The following TERF1 variants were observed in gnomAD, a reference collection of about 807,000 sequenced individuals.
TERF1 encodes telomeric repeat binding factor 1, also known as telomeric repeat-binding factor 1.
A neutral mutation model predicts 55.1 loss-of-function variants in TERF1; 20 were observed. The ratio of observed to expected loss-of-function variants is 0.36; its 90% CI spans 0.26 to 0.53. TERF1 has a LOEUF of 0.53. TERF1 is among the 20% of genes least tolerant of loss of function. TERF1 has a pLI of 0.91. For synonymous variants in TERF1, 168 were observed against 181.2 expected, an observed-to-expected ratio of 0.93 and a Z score of 0.59; for missense variants, 439 against 535.7, an observed-to-expected ratio of 0.82 and a Z score of 1.78.
At chr8:73,028,406 A>G (rs947009812) in intron 6 of TERF1, among the ~76,000 whole-genome samples, 2 of 152,094 alleles carry the variant, frequency 1.3e-5, no homozygotes, top group African/African-American at 2.4e-5. Context: ...TTTTATCTAT[A>G]TAGCTTTGTA....
chr8:73,046,083 C>A lies in TERF1; in HGVS notation c.1266C>A (p.Asp422Glu), dbSNP rs751466126. ...FNNRTSVMLKDRWRTMKKLKL... is the reference protein window; with the variant it reads ...FNNRTSVMLKERWRTMKKLKL... ...ACCGGACAAGTGTCATGTTAAAAGA[C>A]AGATGGAGGACCATGAAGAAACTAA... The change falls in exon 10 of 10, where the codon GAC (aspartate) becomes GAA (glutamate). Residue 422 changes from aspartate to glutamate, a missense_variant. Asp to Glu is a conservative substitution (Grantham distance 45). Around this residue, in one of 4 missense-constraint regions of TERF1, gnomAD observed 25 missense variants for 57.3 expected, o/e 0.44. Coordinates refer to ENST00000276603, the MANE Select transcript of TERF1 (RefSeq NM_017489.3). 1 of 1,608,472 alleles carries A rather than the reference C, an allele frequency of 6.2e-7. No individual in the cohort carries two copies. The highest frequency in any genetic ancestry group is 8.5e-7 in the Non-Finnish European group (1 of 1,178,038).
At chr8:73,034,735 A>G (rs776387442) in intron 8 of TERF1, among the ~76,000 whole-genome samples, 9 of 152,208 alleles carry the variant, frequency 5.9e-5, no homozygotes, top group Non-Finnish European at 1.3e-4. Flanking sequence ...AAAGCTTTTT[A>G]TAGGTAAATG....
intron 1 of TERF1, chr8:73,010,130 T>C (rs1188142386): frequency 1.1e-4 from 16 of 152,230 alleles, no homozygotes; most frequent in Admixed American, 1.0e-3. Context: ...CTAAAATTAC[T>C]GTGCAAGTAT....
intron 8 of TERF1, among the ~76,000 whole-genome samples, chr8:73,037,891 A>G (rs1391120177): frequency 1.6e-5 from 2 of 122,592 alleles, no homozygotes; most frequent in Non-Finnish European, 3.2e-5. Context: ...AATATGATAT[A>G]TAATATATAT....
intron 8 of TERF1, among the ~76,000 whole-genome samples, chr8:73,038,555 G>A (rs1016162302): frequency 4.6e-5 from 7 of 151,580 alleles, no homozygotes; most frequent in African/African-American, 1.7e-4. Flanking sequence ...TTAACTGTTT[G>A]TTGCTAATGA....
intron 2 of TERF1, among the ~76,000 whole-genome samples, chr8:73,016,921 A>C (rs1586031948): frequency 6.6e-6 from 1 of 152,286 alleles, no homozygotes; most frequent in East Asian, 1.9e-4. Context: ...GCAAATCGGC[A>C]GCTCACCTCA....
intron 1 of TERF1, 44 bp from the exon 2 acceptor site, chr8:73,013,851 G>A: frequency 7.6e-7 from 1 of 1,314,404 alleles, no homozygotes; most frequent in Non-Finnish European, 1.1e-6. Context: ...GGCACTACTG[G>A]ATCAAGTTTG....
chr8:73,016,383 A>G (rs1586031124), intron 2 of TERF1, among the ~76,000 whole-genome samples: 2 of 151,548 alleles, frequency 1.3e-5, no homozygotes, highest in Non-Finnish European at 2.9e-5. Flanking sequence ...TCTGAAATAC[A>G]GCAGATATCT....
intron 4 of TERF1, among the ~76,000 whole-genome samples, chr8:73,023,369 A>T (rs1007931798): frequency 6.6e-6 from 1 of 152,226 alleles, no homozygotes; most frequent in African/African-American, 2.4e-5. Context: ...TTCCCTGATG[A>T]ATAATCAGAT....
At chr8:73,015,548 A>T (rs1315037667) in intron 2 of TERF1, among the ~76,000 whole-genome samples, 3 of 152,042 alleles carry the variant, frequency 2.0e-5, no homozygotes, top group Non-Finnish European at 2.9e-5. Flanking sequence ...CAAAAAATTT[A>T]AAAAATTGGC....
chr8:73,031,870 A>C, intron 7 of TERF1, 172 bp from the exon 8 acceptor site: 1 of 408,210 alleles, frequency 2.4e-6, no homozygotes, highest in Admixed American at 4.3e-5. Flanking sequence ...GGCAACAGAA[A>C]TCTTAAGAGG....
intron 2 of TERF1, among the ~76,000 whole-genome samples, chr8:73,015,895 T>A (rs1008014805): frequency 6.6e-6 from 1 of 152,164 alleles, no homozygotes; most frequent in Non-Finnish European, 1.5e-5. Context: ...ATAGGTGGAA[T>A]TAATTTTGAT....
chr8:73,028,571 A>ATTT (rs59423351), intron 6 of TERF1, among the ~76,000 whole-genome samples: 3,867 of 104,364 alleles, frequency 0.037, 240 homozygotes, highest in African/African-American at 0.074. Flanking sequence ...ACGTAGACCC[A>ATTT]TTTTTTTTTT....
chr8:73,039,257 C>A, intron 9 of TERF1, 38 bp downstream of exon 9: 1 of 1,353,256 alleles, frequency 7.4e-7, no homozygotes, highest in Non-Finnish European at 1.0e-6. Context: ...CGCTTATGGA[C>A]ATTAAAGTTA....
At chr8:73,024,660 A>G (rs1423384196) in intron 4 of TERF1, among the ~76,000 whole-genome samples, 162 bp from the exon 5 acceptor site, 1 of 152,142 alleles carries the variant, frequency 6.6e-6, no homozygotes, top group Non-Finnish European at 1.5e-5. Context: ...AAGAAGTCAG[A>G]AAAAGGTACA....
chr8:73,041,468 TA>T (rs1195976282), intron 9 of TERF1, among the ~76,000 whole-genome samples: 1 of 152,134 alleles, frequency 6.6e-6, no homozygotes, highest in East Asian at 1.9e-4. Context: ...CTTCTTTTAG[TA>T]AGCCTGTGTC....
At chr8:73,033,257 T>C (rs1038855866) in intron 8 of TERF1, among the ~76,000 whole-genome samples, 1 of 152,108 alleles carries the variant, frequency 6.6e-6, no homozygotes, top group Admixed American at 6.5e-5. Flanking sequence ...TTCATAGATA[T>C]CATTCCCATT....
At chr8:73,031,942 A>G in intron 7 of TERF1, 100 bp from the exon 8 acceptor site, 2 of 745,008 alleles carry the variant, frequency 2.7e-6, no homozygotes, top group Non-Finnish European at 4.3e-6. Flanking sequence ...CAAAGTATTA[A>G]TAGAAGATCC....
intron 9 of TERF1, among the ~76,000 whole-genome samples, chr8:73,040,102 A>G (rs1418032730): frequency 6.7e-6 from 1 of 150,208 alleles, no homozygotes; most frequent in African/African-American, 2.5e-5. Flanking sequence ...TCTGTGACTC[A>G]AAGTTATGTT....
Sources: allele counts gnomAD v4.1 joint callset (sites outside exome capture counted in the v4.1 genomes callset), GRCh38; gene constraint gnomAD v4.1.1; regional missense constraint gnomAD v4.1.1; transcripts MANE v1.5; gene names NCBI Gene and HGNC (gene_info 2026-07-23, HGNC 2026-07-21).